Variants in SAMMSON observed in about 807,000 individuals in gnomAD.
The protein encoded by SAMMSON is long intergenic non-protein coding RNA 1212.
chr3:70,236,779 A>G (rs977769895), intron 4 of SAMMSON, among the ~76,000 whole-genome samples: 12 of 152,140 alleles, frequency 7.9e-5, no homozygotes, highest in Admixed American at 6.5e-4. Flanking sequence ...CTTTTTTTGT[A>G]GGAATGGGGT....
At chr3:70,243,727 G>T (rs894209652) in intron 4 of SAMMSON, among the ~76,000 whole-genome samples, 5 of 152,028 alleles carry the variant, frequency 3.3e-5, no homozygotes, top group African/African-American at 1.2e-4. Context: ...ACCCTCAGTT[G>T]GGCATCACTG....
intron 7 of SAMMSON, among the ~76,000 whole-genome samples, chr3:70,337,232 A>G (rs1388389171): frequency 6.7e-6 from 1 of 149,180 alleles, no homozygotes; most frequent in East Asian, 1.9e-4. Context: ...CTAACTTAAT[A>G]TCTAACTTAA....
intron 3 of SAMMSON, among the ~76,000 whole-genome samples, chr3:70,040,977 G>A (rs568571356): frequency 3.1e-4 from 47 of 152,036 alleles, no homozygotes; most frequent in Non-Finnish European, 4.6e-4. Context: ...TAACTGAGGA[G>A]GACTGCTAAA....
chr3:70,371,083 A>G (rs9845669), intron 9 of SAMMSON, among the ~76,000 whole-genome samples: 2,396 of 152,024 alleles, frequency 0.016, 57 homozygotes, highest in African/African-American at 0.042. Context: ...CCTTTCCCCA[A>G]TGTAAGTCCT....
intron 6 of SAMMSON, among the ~76,000 whole-genome samples, chr3:70,285,696 T>C (rs1466544750): frequency 1.3e-5 from 2 of 150,248 alleles, no homozygotes; most frequent in African/African-American, 4.9e-5. Context: ...TGTTCCTATT[T>C]CTCCACATCC....
intron 7 of SAMMSON, among the ~76,000 whole-genome samples, chr3:70,295,470 G>A (rs946877740): frequency 6.6e-6 from 1 of 152,022 alleles, no homozygotes; most frequent in African/African-American, 2.4e-5. Flanking sequence ...TTGGGAGGCC[G>A]AGTGAGATAA....
intron 4 of SAMMSON, among the ~76,000 whole-genome samples, chr3:70,162,795 TTAA>T (rs1229278687): frequency 6.6e-6 from 1 of 151,974 alleles, no homozygotes; most frequent in Non-Finnish European, 1.5e-5. Flanking sequence ...CAGGGTTTGT[TTAA>T]TGTATTTTGA....
intron 4 of SAMMSON, among the ~76,000 whole-genome samples, chr3:70,094,217 C>G (rs564816897): frequency 1.4e-4 from 21 of 152,154 alleles, no homozygotes; most frequent in Non-Finnish European, 2.6e-4. Flanking sequence ...CCATCCCTAT[C>G]GGCTCCACTG....
chr3:70,287,613 G>T (rs1412574324), intron 6 of SAMMSON, among the ~76,000 whole-genome samples: 7 of 152,034 alleles, frequency 4.6e-5, no homozygotes. Context: ...CTATTGATTG[G>T]AATAGTTTCA....
At chr3:70,188,063 T>TA in intron 4 of SAMMSON, among the ~76,000 whole-genome samples, 1 of 152,274 alleles carries the variant, frequency 6.6e-6, no homozygotes, top group South Asian at 2.1e-4. Context: ...ATCAACACCA[T>TA]AAACTCGTCT....
chr3:70,293,070 A>T (rs1702254330), intron 7 of SAMMSON, among the ~76,000 whole-genome samples: 1 of 144,170 alleles, frequency 6.9e-6, no homozygotes, highest in Non-Finnish European at 1.5e-5. Flanking sequence ...AAAAAAAAAA[A>T]AGTAGCATAT....
intron 4 of SAMMSON, among the ~76,000 whole-genome samples, chr3:70,163,151 A>G (rs1430948531): frequency 6.6e-6 from 1 of 151,456 alleles, no homozygotes; most frequent in African/African-American, 2.4e-5. Flanking sequence ...CAACGCAATG[A>G]TTGATATAGT....
intron 1 of SAMMSON, among the ~76,000 whole-genome samples, chr3:70,006,817 G>A (rs193265071): frequency 1.8e-5 from 2 of 114,050 alleles, no homozygotes; most frequent in African/African-American, 7.2e-5. Flanking sequence ...CCCACAACAG[G>A]CCCCGGTGTG....
chr3:70,274,173 T>C (rs185385322), intron 6 of SAMMSON, among the ~76,000 whole-genome samples: 1 of 151,830 alleles, frequency 6.6e-6, no homozygotes, highest in African/African-American at 2.4e-5. Flanking sequence ...CATACATATG[T>C]GTAGGGGGTG....
intron 2 of SAMMSON, among the ~76,000 whole-genome samples, chr3:70,406,839 G>T (rs1313586739): frequency 2.0e-5 from 3 of 152,194 alleles, no homozygotes; most frequent in African/African-American, 7.2e-5. Context: ...AAAACAATGA[G>T]TGAGATGATA....
intron 4 of SAMMSON, among the ~76,000 whole-genome samples, chr3:70,240,632 C>T (rs1701657983): frequency 6.6e-6 from 1 of 152,050 alleles, no homozygotes; most frequent in Non-Finnish European, 1.5e-5. Flanking sequence ...CCTTCAGCGT[C>T]AATTATAAGT....
chr3:70,116,016 C>T (rs1559517561), intron 4 of SAMMSON, among the ~76,000 whole-genome samples: 1 of 151,774 alleles, frequency 6.6e-6, no homozygotes, highest in Non-Finnish European at 1.5e-5. Context: ...GAATATGTAC[C>T]AGAATTCTAC....
intron 4 of SAMMSON, among the ~76,000 whole-genome samples, chr3:70,106,938 A>C (rs561677395): frequency 1.3e-5 from 2 of 152,304 alleles, no homozygotes; most frequent in South Asian, 2.1e-4. Context: ...GCTCACGTTG[A>C]ATTGCAAATA....
chr3:70,232,197 G>A (rs1369538728), intron 4 of SAMMSON, among the ~76,000 whole-genome samples: 6 of 152,168 alleles, frequency 3.9e-5, no homozygotes, highest in Non-Finnish European at 8.8e-5. Flanking sequence ...GATCTGCTCT[G>A]TGAGGGTGTG....
Sources: gnomAD v4.1 joint callset for allele counts (sites outside exome capture counted in the v4.1 genomes callset) on GRCh38, gnomAD v4.1.1 for gene constraint, MANE v1.5 for transcripts, NCBI Gene and HGNC (gene_info 2026-07-23, HGNC 2026-07-21) for gene names.